The following ACVR1B variants were observed in gnomAD, a reference collection of about 807,000 sequenced individuals.
The protein encoded by ACVR1B is activin receptor type-1B.
Under a neutral mutation model 55.6 loss-of-function variants are expected in ACVR1B, and 15 were observed. The ratio of observed to expected loss-of-function variants is 0.27; its 90% CI spans 0.18 to 0.42. ACVR1B has a LOEUF of 0.42. Ranked by LOEUF, ACVR1B falls within the 10% of genes least tolerant of loss-of-function variation. ACVR1B has a pLI of 1.00. For missense variants in ACVR1B, 359 were observed against 670.1 expected (o/e 0.54, Z 5.13); for synonymous variants, 247 against 254.6 (o/e 0.97, Z 0.28).
At chr12:51,979,006 AC>A (rs1281357490) in intron 3 of ACVR1B, among the ~76,000 whole-genome samples, 36 of 151,624 alleles carry the variant, frequency 2.4e-4, no homozygotes. Flanking sequence ...TCTACTAAAT[AC>A]AAAAAATTAG....
intron 1 of ACVR1B, among the ~76,000 whole-genome samples, chr12:51,964,382 A>G (rs1434344814): frequency 6.6e-6 from 1 of 152,172 alleles, no homozygotes; most frequent in Non-Finnish European, 1.5e-5. Context: ...CCATTTTCAG[A>G]TGTATGATTT....
intron 1 of ACVR1B, among the ~76,000 whole-genome samples, chr12:51,964,003 C>G (rs1366116099): frequency 1.3e-5 from 2 of 152,132 alleles, no homozygotes; most frequent in Non-Finnish European, 2.9e-5. Context: ...AAAGTAGTAT[C>G]TCATTATGGT....
chr12:51,986,996 C>T (rs1395719717), intron 7 of ACVR1B, 54 bp downstream of exon 7: 1 of 1,613,558 alleles, frequency 6.2e-7, no homozygotes, highest in Admixed American at 1.7e-5. Flanking sequence ...TGCTGGATCA[C>T]CCAAAGCTGT....
intron 1 of ACVR1B, among the ~76,000 whole-genome samples, chr12:51,962,600 A>G (rs111962600): frequency 5.9e-5 from 9 of 152,352 alleles, no homozygotes; most frequent in African/African-American, 2.2e-4. Context: ...CTAGTACAGT[A>G]TCAGTTCCTA....
intron 7 of ACVR1B, among the ~76,000 whole-genome samples, chr12:51,988,446 G>A (rs1942123074): frequency 6.6e-6 from 1 of 152,212 alleles, no homozygotes; most frequent in Admixed American, 6.5e-5. Context: ...GCAGCCTTGC[G>A]ACAGAGCGAG....
intron 1 of ACVR1B, among the ~76,000 whole-genome samples, chr12:51,957,018 C>T (rs1021479795): frequency 1.3e-5 from 2 of 152,004 alleles, no homozygotes; most frequent in Non-Finnish European, 2.9e-5. Context: ...ATCCACTCAC[C>T]TGGGCTTCAC....
intron 4 of ACVR1B, among the ~76,000 whole-genome samples, chr12:51,982,095 G>A (rs1194327359): frequency 6.6e-6 from 1 of 152,206 alleles, no homozygotes; most frequent in Non-Finnish European, 1.5e-5. Context: ...AGGATGACGA[G>A]TAAGGGTGAT....
At chr12:51,986,985 A>G in intron 7 of ACVR1B, 43 bp downstream of exon 7, 1 of 1,614,086 alleles carries the variant, frequency 6.2e-7, no homozygotes, top group Non-Finnish European at 8.5e-7. Flanking sequence ...CCATTCCAGG[A>G]TGCTGGATCA....
chr12:51,976,790 C>G (rs1941867599), intron 3 of ACVR1B, among the ~76,000 whole-genome samples: 1 of 152,172 alleles, frequency 6.6e-6, no homozygotes, highest in South Asian at 2.1e-4. Context: ...TTCCCAAGGT[C>G]TAGTACACAA....
At chr12:51,963,669 C>T (rs1941584097) in intron 1 of ACVR1B, among the ~76,000 whole-genome samples, 1 of 152,136 alleles carries the variant, frequency 6.6e-6, no homozygotes, top group South Asian at 2.1e-4. Flanking sequence ...CATAAATATA[C>T]CACATTTTGT....
chr12:51,958,800 G>C (rs920454620), intron 1 of ACVR1B, among the ~76,000 whole-genome samples: 3 of 152,258 alleles, frequency 2.0e-5, no homozygotes, highest in African/African-American at 7.2e-5. Context: ...ACAGGAGGCA[G>C]AGCTCAGGTA....
chr12:51,983,906 C>T, intron 4 of ACVR1B, 93 bp from the exon 5 acceptor site: 3 of 1,341,156 alleles, frequency 2.2e-6, no homozygotes, highest in East Asian at 2.3e-5. Context: ...GGAGTCTAAC[C>T]TGATTTTGTG....
chr12:51,979,376 AGAAT>A (rs1592255285), intron 3 of ACVR1B, among the ~76,000 whole-genome samples: 1 of 151,024 alleles, frequency 6.6e-6, no homozygotes, highest in East Asian at 2.0e-4. Context: ...CTGAGGCAGG[AGAAT>A]CACATGAACC....
At chr12:51,965,713 A>G (rs544190947) in intron 1 of ACVR1B, among the ~76,000 whole-genome samples, 1 of 152,296 alleles carries the variant, frequency 6.6e-6, no homozygotes, top group Non-Finnish European at 1.5e-5. Flanking sequence ...GACTGGGATA[A>G]TGAGCTTGGA....
Position 51,994,135 on chromosome 12 carries a change from T to C in ACVR1B, c.*25T>C, listed in dbSNP as rs775002160. 5 of 1,610,572 alleles carry C rather than the reference T, an allele frequency of 3.1e-6. No individual in the cohort carries two copies. Among genetic ancestry groups the C allele is most frequent in the Non-Finnish European group, 4.2e-6 (5 of 1,179,716 alleles). ...ACTGCTCCCTCTCTCCACACGGAGC[T>C]CCTGGCAGCGAGAACTACGCACAGC... On this transcript the variant is annotated 3_prime_UTR_variant, in exon 9 of 9. Transcript: ENST00000257963. The surrounding 1 kb of genome is among the most constrained non-coding windows in gnomAD (Gnocchi z 4.2).
At chr12:51,957,223 G>A (rs1029057917) in intron 1 of ACVR1B, among the ~76,000 whole-genome samples, 5 of 152,002 alleles carry the variant, frequency 3.3e-5, no homozygotes, top group Non-Finnish European at 5.9e-5. Context: ...CGAGGCAGGT[G>A]GATCATGAGG....
In ACVR1B at chr12:51,952,882, C is replaced by A. The variant is rs562881397; in HGVS notation, c.91+1048C>A. 4.6e-5 allele frequency among the ~76,000 whole-genome samples: 7 copies of A among 151,562 alleles called. No homozygotes were observed. In the East Asian group the frequency reaches 7.8e-4, roughly 17 times the overall value. On this transcript the variant is annotated intron_variant, in intron 1 of 8. Coordinates refer to ENST00000257963, the MANE Select transcript of ACVR1B (RefSeq NM_004302.5). ...TGCGGCTCGCCTTATACCACCCCCC[C>A]ACTCTCCTCTCTGTAGAAGCGGGTA...
chr12:51,954,890 A>T (rs1695456997), intron 1 of ACVR1B, among the ~76,000 whole-genome samples: 1 of 152,382 alleles, frequency 6.6e-6, no homozygotes, highest in South Asian at 2.1e-4. Context: ...CTTAAGGAGC[A>T]GAAAAACATA....
chr12:51,989,808 AC>A (rs775683946), intron 7 of ACVR1B, among the ~76,000 whole-genome samples: 1 of 151,940 alleles, frequency 6.6e-6, no homozygotes, highest in Non-Finnish European at 1.5e-5. Context: ...ACATAGTGAA[AC>A]CCCGTCTGTA....
Sources: allele counts gnomAD v4.1 joint callset (sites outside exome capture counted in the v4.1 genomes callset), GRCh38; gene constraint gnomAD v4.1.1; non-coding constraint Gnocchi (gnomAD v3.1); transcripts MANE v1.5; gene names NCBI Gene and HGNC (gene_info 2026-07-23, HGNC 2026-07-21).